Variants in MAST4 observed in about 807,000 individuals in gnomAD.
MAST4 encodes the protein microtubule-associated serine/threonine-protein kinase 4.
In MAST4, 89 loss-of-function variants were observed where a neutral mutation model predicts 162.7. That is an observed-to-expected ratio of 0.55 (90% confidence interval 0.46 to 0.65). The LOEUF (loss-of-function observed/expected upper bound fraction) is 0.65, where lower values mean the gene tolerates loss of function less well. Ranked by LOEUF, MAST4 falls within the 30% of genes least tolerant of loss-of-function variation. MAST4 has a pLI of 0.00. For missense variants in MAST4, 3,153 were observed against 3,374.0 expected, an observed-to-expected ratio of 0.93 and a Z score of 1.62; for synonymous variants, 1,479 against 1,361.1, an observed-to-expected ratio of 1.09 and a Z score of -1.91.
In MAST4 at chr5:67,164,084, C is replaced by G. The variant is rs762019263; in HGVS notation, c.4905C>G (p.Asp1635Glu). ...VPAEHRQGGG[D>E]FRRAPAPGTL... ...CGGAGCACCGCCAGGGTGGCGGGGA[C>G]TTCAGACGGGCCCCCGCTCCTGGCA... The change falls in exon 29 of 29, where the codon GAC (aspartate) becomes GAG (glutamate). Residue 1635 changes from aspartate to glutamate, a missense_variant. By Grantham distance (45) the Asp-to-Glu change is conservative (BLOSUM62 2). This residue lies in a region of MAST4 where 1,644 missense variants were observed against 1,495.0 expected (regional missense o/e 1.10). Transcript: ENST00000403625. This position sits in a 1 kb window ranked among gnomAD's most constrained non-coding sequence, Gnocchi z 5.3. 6.4e-7 allele frequency: 1 copy of G among 1,570,722 alleles called. No homozygotes were observed.
At chr5:66,709,434 G>A (rs1355573737) in intron 1 of MAST4, among the ~76,000 whole-genome samples, 1 of 152,096 alleles carries the variant, frequency 6.6e-6, no homozygotes, top group Non-Finnish European at 1.5e-5. Context: ...TCCTGACTCA[G>A]CCTCCCAACT....
intron 1 of MAST4, among the ~76,000 whole-genome samples, chr5:66,732,835 T>G (rs1425036067): frequency 7.9e-5 from 12 of 152,186 alleles, no homozygotes; most frequent in African/African-American, 2.9e-4. Flanking sequence ...TGCTTCTATC[T>G]CTTGCTCAGC....
chr5:66,765,721 T>C (rs1387717248), intron 2 of MAST4, among the ~76,000 whole-genome samples: 2 of 152,182 alleles, frequency 1.3e-5, no homozygotes, highest in East Asian at 1.9e-4. Flanking sequence ...CAGAACAGTA[T>C]AATGAAAAAG....
At chr5:66,730,063 TAGAG>T (rs972833948) in intron 1 of MAST4, among the ~76,000 whole-genome samples, 1 of 152,192 alleles carries the variant, frequency 6.6e-6, no homozygotes, top group Non-Finnish European at 1.5e-5. Context: ...ATGTTAATTT[TAGAG>T]AGAGGAAGTA....
intron 1 of MAST4, among the ~76,000 whole-genome samples, chr5:66,716,320 T>A (rs562061503): frequency 6.6e-6 from 1 of 151,988 alleles, no homozygotes; most frequent in South Asian, 2.1e-4. Flanking sequence ...CAATTTTAGA[T>A]TTGATCTCTC....
chr5:66,768,384 A>G (rs1754203926), intron 2 of MAST4, among the ~76,000 whole-genome samples: 1 of 152,166 alleles, frequency 6.6e-6, no homozygotes, highest in African/African-American at 2.4e-5. Flanking sequence ...TTGTCACAGG[A>G]GGAAGGAGGA....
chr5:66,757,603 G>T (rs1387599375), intron 1 of MAST4, among the ~76,000 whole-genome samples: 1 of 150,216 alleles, frequency 6.7e-6, no homozygotes, highest in African/African-American at 2.5e-5. Flanking sequence ...GAATATTCTT[G>T]TTCTTAGAAC....
At chr5:66,961,782 A>G (rs147247545) in intron 4 of MAST4, among the ~76,000 whole-genome samples, 291 of 152,332 alleles carry the variant, frequency 1.9e-3, no homozygotes, top group African/African-American at 6.5e-3. Context: ...AAGACTGTAC[A>G]TAGACAAAAT....
chr5:66,993,341 G>T (rs116288711), intron 4 of MAST4, among the ~76,000 whole-genome samples: 2 of 152,156 alleles, frequency 1.3e-5, no homozygotes, highest in African/African-American at 4.8e-5. Context: ...CATTCATTCC[G>T]CTGAGTGTCT....
At chr5:67,018,153 A>G (rs1753540187) in intron 4 of MAST4, among the ~76,000 whole-genome samples, 1 of 152,184 alleles carries the variant, frequency 6.6e-6, no homozygotes. Context: ...ACATGGTGAT[A>G]TTGTCAAGTG....
chr5:66,770,401 C>G (rs750789134), intron 2 of MAST4, among the ~76,000 whole-genome samples: 7 of 152,144 alleles, frequency 4.6e-5, no homozygotes, highest in Non-Finnish European at 2.9e-5. Context: ...ATGCTGCCTC[C>G]CAGTGGCTCT....
intron 1 of MAST4, among the ~76,000 whole-genome samples, chr5:66,682,381 A>C (rs1481836021): frequency 6.6e-6 from 1 of 152,206 alleles, no homozygotes; most frequent in Non-Finnish European, 1.5e-5. Flanking sequence ...CTAGACGTTA[A>C]ATGTTTTCAC....
At position 66,610,642 on chromosome 5, in the gene MAST4, A is replaced by G. The variant is rs563129340; in HGVS notation, c.363+13624A>G. Among the ~76,000 whole-genome samples, 6 of 152,304 alleles carry G rather than the reference A, an allele frequency of 3.9e-5. No individual in the cohort carries two copies. The South Asian group carries it at 6.2e-4, about 16-fold the overall frequency. On this transcript the variant is annotated intron_variant, in intron 1 of 28. Coordinates refer to ENST00000403625, the MANE Select transcript of MAST4 (RefSeq NM_001164664.2). The stretch of plus-strand genomic sequence containing the variant: ...TGCTGAAGGCAGGTCTGTCTTCGCT[A>G]TAGTGTTGGGCAATATAGCAGCTTC...
At chr5:66,721,957 CCTT>C in intron 1 of MAST4, among the ~76,000 whole-genome samples, 1 of 152,160 alleles carries the variant, frequency 6.6e-6, no homozygotes, top group East Asian at 1.9e-4. Context: ...TCACTTCTCA[CCTT>C]CTGCACTGCT....
At chr5:66,865,096 G>C (rs1760409113) in intron 3 of MAST4, among the ~76,000 whole-genome samples, 1 of 152,214 alleles carries the variant, frequency 6.6e-6, no homozygotes. Flanking sequence ...TAGAGCCACT[G>C]GGTAGATGGT....
intron 1 of MAST4, among the ~76,000 whole-genome samples, chr5:66,678,256 G>T (rs947255823): frequency 1.3e-5 from 2 of 152,040 alleles, no homozygotes; most frequent in African/African-American, 4.8e-5. Context: ...GGGCTGGTGG[G>T]GGTGTGTATG....
chr5:66,783,846 G>A (rs866122292), intron 2 of MAST4, among the ~76,000 whole-genome samples: 2 of 152,076 alleles, frequency 1.3e-5, no homozygotes, highest in Non-Finnish European at 2.9e-5. Context: ...GAAAGGGCAT[G>A]GCTCAGGTGT....
intron 2 of MAST4, among the ~76,000 whole-genome samples, chr5:66,771,756 CTTTTT>C (rs201095408): frequency 7.0e-6 from 1 of 143,548 alleles, no homozygotes; most frequent in East Asian, 2.0e-4. Flanking sequence ...TGGTTTCGGG[CTTTTT>C]TTTTTTTTAA....
chr5:66,762,424 T>C lies in MAST4; in HGVS notation c.517+2562T>C, dbSNP rs184507127. On this transcript the variant is annotated intron_variant, in intron 2 of 28. Transcript: ENST00000403625. Reference sequence around the variant, plus strand: ...CTAGCCCAGGCAGCTGTTAGTATTATGTGCATAACTAATTGAATTTGGGGG... The same window carrying C: ...CTAGCCCAGGCAGCTGTTAGTATTACGTGCATAACTAATTGAATTTGGGGG... 3.3e-5 allele frequency among the ~76,000 whole-genome samples: 5 copies of C among 152,328 alleles called. No individual in the cohort carries two copies. In the East Asian group the frequency reaches 9.6e-4, roughly 29 times the overall value.
Sources: gnomAD v4.1 joint callset for allele counts (sites outside exome capture counted in the v4.1 genomes callset) on GRCh38, gnomAD v4.1.1 for gene constraint, gnomAD v4.1.1 regional missense constraint, Gnocchi (gnomAD v3.1) non-coding constraint, MANE v1.5 for transcripts, NCBI Gene and HGNC (gene_info 2026-07-23, HGNC 2026-07-21) for gene names.